Variants in CACNA2D3 observed in about 807,000 individuals in gnomAD.
The protein encoded by CACNA2D3 is voltage-dependent calcium channel subunit alpha-2/delta-3.
In CACNA2D3, 60 loss-of-function variants were observed where a neutral mutation model predicts 160.6. That is an observed-to-expected ratio of 0.37 (90% confidence interval 0.30 to 0.46). The LOEUF (loss-of-function observed/expected upper bound fraction) is 0.46, where lower values mean the gene tolerates loss of function less well. CACNA2D3 is among the 20% of genes least tolerant of loss of function. CACNA2D3 has a pLI of 1.00. For missense variants in CACNA2D3, 1,205 were observed against 1,365.0 expected (o/e 0.88, Z 1.85); for synonymous variants, 558 against 492.9 (o/e 1.13, Z -1.75).
At chr3:54,452,359 T>C (rs1700321601) in intron 4 of CACNA2D3, among the ~76,000 whole-genome samples, 1 of 152,220 alleles carries the variant, frequency 6.6e-6, no homozygotes. Context: ...GATTCAGTTA[T>C]CTCCACCTGG....
At chr3:54,829,885 C>CTTTTTTTTTTTTTTTTTTTTT (rs58291013) in intron 14 of CACNA2D3, among the ~76,000 whole-genome samples, 2 of 64,310 alleles carry the variant, frequency 3.1e-5, no homozygotes, top group African/African-American at 1.3e-4. Context: ...TCTTCTTCAT[C>CTTTTTTTTTTTTTTTTTTTTT]TTTTTTTTTT....
At chr3:54,886,319 A>G (rs554253352) in intron 23 of CACNA2D3, among the ~76,000 whole-genome samples, 2 of 152,372 alleles carry the variant, frequency 1.3e-5, no homozygotes, top group South Asian at 4.1e-4. Context: ...ACATCTCCAT[A>G]GAATGGATTT....
intron 10 of CACNA2D3, 33 bp from the exon 11 acceptor site, chr3:54,642,095 T>G: frequency 7.3e-7 from 1 of 1,371,172 alleles, no homozygotes; most frequent in Non-Finnish European, 1.0e-6. Flanking sequence ...TTCTCTGATA[T>G]GTATACTATT....
At chr3:54,736,492 T>C (rs550811616) in intron 11 of CACNA2D3, among the ~76,000 whole-genome samples, 1 of 152,292 alleles carries the variant, frequency 6.6e-6, no homozygotes, top group Non-Finnish European at 1.5e-5. Context: ...TTAATAGATG[T>C]GGTCAAGTTA....
At chr3:54,123,618 A>G in intron 2 of CACNA2D3, 24 bp downstream of exon 2, 2 of 1,593,324 alleles carry the variant, frequency 1.3e-6, no homozygotes, top group Non-Finnish European at 1.7e-6. Flanking sequence ...GGTGGCAGGA[A>G]GCGATGATTT....
At chr3:54,651,893 C>A (rs1020526524) in intron 11 of CACNA2D3, among the ~76,000 whole-genome samples, 2 of 152,140 alleles carry the variant, frequency 1.3e-5, no homozygotes, top group African/African-American at 4.8e-5. Flanking sequence ...AGGGATTATT[C>A]TTTTAAGAAC....
intron 11 of CACNA2D3, among the ~76,000 whole-genome samples, chr3:54,676,035 GTT>G (rs987741460): frequency 2.0e-5 from 3 of 152,160 alleles, no homozygotes; most frequent in African/African-American, 7.2e-5. Context: ...TAAGTGCTGG[GTT>G]TTCATTTCAG....
intron 11 of CACNA2D3, among the ~76,000 whole-genome samples, chr3:54,655,846 C>A (rs977406963): frequency 2.6e-5 from 4 of 152,122 alleles, no homozygotes; most frequent in Non-Finnish European, 2.9e-5. Context: ...TATTATTTGT[C>A]CATTTTCTAG....
chr3:54,636,809 G>A (rs1003858005), intron 10 of CACNA2D3, among the ~76,000 whole-genome samples: 3 of 152,002 alleles, frequency 2.0e-5, no homozygotes, highest in Non-Finnish European at 4.4e-5. Context: ...AACAGATGAG[G>A]ATGAAATTTG....
At chr3:54,575,745 A>T (rs1416049603) in intron 8 of CACNA2D3, among the ~76,000 whole-genome samples, 1 of 152,146 alleles carries the variant, frequency 6.6e-6, no homozygotes, top group Admixed American at 6.6e-5. Flanking sequence ...AGAAGTCATG[A>T]CTAAGTGGAC....
intron 4 of CACNA2D3, among the ~76,000 whole-genome samples, chr3:54,445,506 A>G (rs1044294483): frequency 1.3e-5 from 2 of 151,872 alleles, no homozygotes; most frequent in Non-Finnish European, 1.5e-5. Context: ...GTTTTTGTAC[A>G]TATATATGTT....
At chr3:55,059,659 C>T (rs1704454195) in intron 35 of CACNA2D3, among the ~76,000 whole-genome samples, 1 of 152,180 alleles carries the variant, frequency 6.6e-6, no homozygotes, top group Non-Finnish European at 1.5e-5. Flanking sequence ...TATTAACCAG[C>T]TTAGTGCCCT....
At chr3:54,661,405 CTG>C (rs1699967716) in intron 11 of CACNA2D3, among the ~76,000 whole-genome samples, 1 of 152,326 alleles carries the variant, frequency 6.6e-6, no homozygotes, top group South Asian at 2.1e-4. Flanking sequence ...TCAAAGAAGA[CTG>C]TTCTGGTTCA....
At chr3:54,885,158 A>G (rs11716356) in intron 21 of CACNA2D3, 123 bp from the exon 22 acceptor site, 129,021 of 840,204 alleles carry the variant, frequency 0.15, 11,918 homozygotes, top group African/African-American at 0.36. Context: ...GCTCCAAGGC[A>G]GGTCCCTTAG....
chr3:54,392,879 C>A (rs1699305976), intron 4 of CACNA2D3, among the ~76,000 whole-genome samples: 1 of 152,162 alleles, frequency 6.6e-6, no homozygotes, highest in South Asian at 2.1e-4. Flanking sequence ...AAAAGGAAGC[C>A]TTTCTAGGAA....
chr3:54,878,803 C>T lies in CACNA2D3; in HGVS notation c.1711-215C>T. 1.0e-5 allele frequency: 4 copies of T among 398,708 alleles called. No homozygotes were observed. In the South Asian group the frequency reaches 2.1e-4, roughly 21 times the overall value. 24.7% of individuals were successfully genotyped at this position (398,708 alleles called of 1,614,324 possible). A position where few individuals can be genotyped will look rare whatever the true frequency, so the allele number is the denominator to read the frequency against. On this transcript the variant is annotated intron_variant, in intron 18 of 37. Coordinates refer to ENST00000474759, the MANE Select transcript of CACNA2D3 (RefSeq NM_018398.3). ...TCTTTTGTTATTGTCCTGAAGTTTA[C>T]ACGAGCTCCCCAAATTAAAGATGAA...
At chr3:54,559,785 T>G (rs1164720752) in intron 5 of CACNA2D3, among the ~76,000 whole-genome samples, 1 of 152,216 alleles carries the variant, frequency 6.6e-6, no homozygotes. Context: ...GTTGTTCTCC[T>G]CTATGTGTCC....
chr3:54,231,858 G>C (rs1044888042), intron 2 of CACNA2D3, among the ~76,000 whole-genome samples: 3 of 152,192 alleles, frequency 2.0e-5, no homozygotes, highest in East Asian at 3.9e-4. Flanking sequence ...TGAATGGAAG[G>C]GGGGTGGTCC....
chr3:54,435,986 C>T (rs910486827), intron 4 of CACNA2D3, among the ~76,000 whole-genome samples: 3 of 152,052 alleles, frequency 2.0e-5, no homozygotes, highest in African/African-American at 4.8e-5. Context: ...GTGGGAACGA[C>T]AGAGGATAGA....
Sources: gnomAD v4.1 joint callset for allele counts (sites outside exome capture counted in the v4.1 genomes callset) on GRCh38, gnomAD v4.1.1 for gene constraint, MANE v1.5 for transcripts, NCBI Gene and HGNC (gene_info 2026-07-23, HGNC 2026-07-21) for gene names.